The following LYN variants were observed in gnomAD, a reference collection of about 807,000 sequenced individuals.
LYN encodes tyrosine-protein kinase Lyn.
Under a neutral mutation model 65.0 loss-of-function variants are expected in LYN, and 12 were observed. The ratio of observed to expected loss-of-function variants is 0.18; its 90% CI spans 0.12 to 0.30. The LOEUF is 0.30. LYN is among the 10% of genes least tolerant of loss of function. LYN has a pLI of 1.00. For missense variants in LYN, 380 were observed against 623.2 expected (o/e 0.61, Z 4.16); for synonymous variants, 222 against 221.2 (o/e 1.00, Z -0.03).
intron 1 of LYN, among the ~76,000 whole-genome samples, chr8:55,927,357 G>T (rs1585606796): frequency 6.6e-6 from 1 of 152,122 alleles, no homozygotes; most frequent in Non-Finnish European, 1.5e-5. Flanking sequence ...AGCCTTTTCA[G>T]ATTGGCTTCT....
At chr8:55,943,220 G>A (rs1405340261) in intron 2 of LYN, among the ~76,000 whole-genome samples, 1 of 152,116 alleles carries the variant, frequency 6.6e-6, no homozygotes, top group Non-Finnish European at 1.5e-5. Context: ...CTGTATACAT[G>A]TATACCACCC....
chr8:55,987,099 ATTTTTAG>A (rs1563325113), intron 10 of LYN, among the ~76,000 whole-genome samples: 1 of 152,016 alleles, frequency 6.6e-6, no homozygotes, highest in African/African-American at 2.4e-5. Flanking sequence ...TGAGCATTGT[ATTTTTAG>A]AATAGAATAA....
At chr8:55,998,630 T>C (rs891810179) in intron 11 of LYN, 131 bp downstream of exon 11, 15 of 759,144 alleles carry the variant, frequency 2.0e-5, no homozygotes, top group Non-Finnish European at 2.8e-5. Flanking sequence ...AGCTGTACCA[T>C]AATTGTCTGC....
At chr8:55,972,176 A>G (rs1807626393) in intron 10 of LYN, among the ~76,000 whole-genome samples, 1 of 152,168 alleles carries the variant, frequency 6.6e-6, no homozygotes, top group African/African-American at 2.4e-5. Flanking sequence ...GCTCAGTGTC[A>G]CTGGGAGAGT....
At chr8:55,899,219 T>C (rs1047263806) in intron 1 of LYN, among the ~76,000 whole-genome samples, 1 of 152,188 alleles carries the variant, frequency 6.6e-6, no homozygotes, top group African/African-American at 2.4e-5. Flanking sequence ...CTCTGTTAGG[T>C]AGTCAATTCC....
At position 55,999,689 on chromosome 8, in the gene LYN, G is replaced by A. The variant is rs1331652094; in HGVS notation, c.1336+140G>A. 2.1e-5 allele frequency: 19 copies of A among 923,540 alleles called. No homozygotes were observed. In the East Asian group the frequency reaches 2.1e-4, roughly 10 times the overall value. 57.2% of individuals were successfully genotyped at this position (923,540 alleles called of 1,614,324 possible). On this transcript the variant is annotated intron_variant, in intron 12 of 12. Transcript: ENST00000519728. Reference sequence around the variant, plus strand: ...CTTTGAGCCAGAACTTGATTTTCACGGGCTGGGCATGGTGGCTCACGCCTG... The same window carrying A: ...CTTTGAGCCAGAACTTGATTTTCACAGGCTGGGCATGGTGGCTCACGCCTG...
At position 55,907,729 on chromosome 8, in the gene LYN, G is replaced by T. The variant is rs1318590626; in HGVS notation, c.-6+27626G>T. Among the ~76,000 whole-genome samples, 3 of 152,034 alleles carry T rather than the reference G, an allele frequency of 2.0e-5. 1 individual carries two copies. The highest frequency in any genetic ancestry group is 6.3e-3 in the Middle Eastern group (2 of 316). On this transcript the variant is annotated intron_variant, in intron 1 of 12. Coordinates refer to ENST00000519728, the MANE Select transcript of LYN (RefSeq NM_002350.4). The stretch of plus-strand genomic sequence containing the variant: ...AAAAATAAAAAAATTAACAGGACGT[G>T]GTGGTGCACGCCTGTGGTCCCAGCT...
intron 8 of LYN, 34 bp from the exon 9 acceptor site, chr8:55,966,681 T>A (rs1338662108): frequency 1.3e-6 from 2 of 1,599,346 alleles, no homozygotes; most frequent in Admixed American, 3.4e-5. Flanking sequence ...TTTTCTGTTT[T>A]ATAAAGCATG....
intron 10 of LYN, among the ~76,000 whole-genome samples, chr8:55,997,654 TA>T (rs1253782922): frequency 6.6e-6 from 1 of 151,994 alleles, no homozygotes; most frequent in Non-Finnish European, 1.5e-5. Context: ...AACTTTGGGG[TA>T]GGGGGCGGGG....
chr8:55,976,366 AAAGAAAGC>A (rs796204540), intron 10 of LYN, among the ~76,000 whole-genome samples: 13 of 151,830 alleles, frequency 8.6e-5, no homozygotes, highest in African/African-American at 2.9e-4. Context: ...GGAAGGAAAG[AAAGAAAGC>A]AAGAAAGCAT....
intron 1 of LYN, among the ~76,000 whole-genome samples, chr8:55,913,580 T>G (rs1805700232): frequency 6.6e-6 from 1 of 152,180 alleles, no homozygotes; most frequent in Non-Finnish European, 1.5e-5. Flanking sequence ...TAATTACACA[T>G]AAATTATTTT....
intron 1 of LYN, among the ~76,000 whole-genome samples, chr8:55,903,205 C>A (rs988072917): frequency 8.5e-5 from 13 of 152,094 alleles, no homozygotes; most frequent in Non-Finnish European, 1.8e-4. Context: ...GTTGGCCAGG[C>A]TGGTCTCGAA....
At chr8:55,908,314 G>A (rs1285818063) in intron 1 of LYN, among the ~76,000 whole-genome samples, 3 of 151,314 alleles carry the variant, frequency 2.0e-5, no homozygotes, top group African/African-American at 7.3e-5. Context: ...GTGCAATCTC[G>A]ACTCACTGCA....
At chr8:55,975,815 G>A (rs1004903598) in intron 10 of LYN, among the ~76,000 whole-genome samples, 1 of 137,106 alleles carries the variant, frequency 7.3e-6, no homozygotes, top group East Asian at 2.1e-4. Flanking sequence ...TTTTTTTTTT[G>A]GTAAGGTGGG....
intron 8 of LYN, among the ~76,000 whole-genome samples, chr8:55,962,646 G>A (rs1380743780): frequency 1.3e-5 from 2 of 152,184 alleles, no homozygotes; most frequent in African/African-American, 4.8e-5. Flanking sequence ...ATGCCATATT[G>A]TGCTGTGCTG....
rs1417703017 is a variant in LYN, at chr8:56,011,640, G to C, written c.*1530G>C. The C allele has an allele frequency of 1.0e-5, 2 of 193,750 alleles. No homozygotes were observed. The highest frequency in any genetic ancestry group is 2.1e-5 in the Non-Finnish European group (2 of 93,132). 12.0% of individuals were successfully genotyped at this position (193,750 alleles called of 1,614,324 possible). ...ACAGGCATCATTAAAATTTCATTCT[G>C]TGTGTTTTGTTTAGGCTTGAGGTGC... On this transcript the variant is annotated 3_prime_UTR_variant, in exon 13 of 13. Transcript: ENST00000519728.
At chr8:55,936,928 C>A (rs1322743768) in intron 1 of LYN, among the ~76,000 whole-genome samples, 1 of 152,170 alleles carries the variant, frequency 6.6e-6, no homozygotes, top group African/African-American at 2.4e-5. Flanking sequence ...TCCTCATACA[C>A]AAAGTACCAG....
chr8:55,889,361 C>T (rs558541016), intron 1 of LYN, among the ~76,000 whole-genome samples: 1 of 152,240 alleles, frequency 6.6e-6, no homozygotes, highest in East Asian at 1.9e-4. Context: ...CAGGTGTGTG[C>T]CACTATGCCT....
chr8:55,959,172 T>C (rs192662209), intron 8 of LYN, among the ~76,000 whole-genome samples: 30 of 152,342 alleles, frequency 2.0e-4, no homozygotes, highest in Admixed American at 2.0e-3. Flanking sequence ...GCTTTTGTGA[T>C]AGTTGTCATT....
Sources: gnomAD v4.1 joint callset for allele counts (sites outside exome capture counted in the v4.1 genomes callset) on GRCh38, gnomAD v4.1.1 for gene constraint, MANE v1.5 for transcripts, NCBI Gene and HGNC (gene_info 2026-07-23, HGNC 2026-07-21) for gene names.